PTPN14: variants seen among roughly 807,000 people sequenced by gnomAD.
PTPN14 encodes the protein tyrosine-protein phosphatase non-receptor type 14.
Under a neutral mutation model 126.8 loss-of-function variants are expected in PTPN14, and 53 were observed. That is an observed-to-expected ratio of 0.42 (90% CI 0.34 to 0.53). The LOEUF (loss-of-function observed/expected upper bound fraction) is 0.53, where lower values mean the gene tolerates loss of function less well. Among genes scored for constraint, PTPN14 ranks in the 20% least tolerant of loss-of-function variants. The probability of loss-of-function intolerance (pLI) is 0.08; values close to 1 mark genes in which losing one functional copy is unlikely to be tolerated. For synonymous variants in PTPN14, 630 were observed against 599.3 expected (o/e 1.05, Z -0.75); for missense variants, 1,257 against 1,552.9 (o/e 0.81, Z 3.20).
rs146640564 is a variant in PTPN14 at position 214,350,533 on chromosome 1, CTTTTTTTTTTTT to C, written c.*7377_*7388del. ...TTCTGGTTATTTTCATCCGCCAGAT[CTTTTTTTTTTTT>C]TTTTTTTTTTTTTGAGACAAAGTCT... On this transcript the variant is annotated 3_prime_UTR_variant, in exon 19 of 19. Transcript: ENST00000366956. 70 of 57,018 alleles carry C rather than the reference CTTTTTTTTTTTT, an allele frequency of 1.2e-3. No individual in the cohort carries two copies. The highest frequency in any genetic ancestry group is 0.018 in the Middle Eastern group (1 of 56). The allele number at this position is 57,018 out of a possible 1,614,324, so 3.5% of individuals were successfully genotyped here. A position where few individuals can be genotyped will look rare whatever the true frequency, so the allele number is the denominator to read the frequency against.
intron 3 of PTPN14, among the ~76,000 whole-genome samples, chr1:214,436,412 T>C (rs1016716976): frequency 2.0e-5 from 3 of 149,780 alleles, no homozygotes. Flanking sequence ...TAAAAAAAAA[T>C]ACAGTTTTCT....
At chr1:214,496,110 A>C (rs980495610) in intron 1 of PTPN14, among the ~76,000 whole-genome samples, 2 of 152,252 alleles carry the variant, frequency 1.3e-5, no homozygotes, top group African/African-American at 4.8e-5. Flanking sequence ...TAATTTGCTC[A>C]GTAATTTTCC....
At chr1:214,459,386 C>T (rs2102644942) in intron 2 of PTPN14, among the ~76,000 whole-genome samples, 2 of 151,952 alleles carry the variant, frequency 1.3e-5, no homozygotes, top group South Asian at 4.2e-4. Flanking sequence ...CTCCTGACTT[C>T]AGGCGATCTG....
intron 1 of PTPN14, among the ~76,000 whole-genome samples, chr1:214,527,512 T>C (rs1655429928): frequency 6.6e-6 from 1 of 152,208 alleles, no homozygotes; most frequent in Admixed American, 6.5e-5. Flanking sequence ...GCTTGAAGCA[T>C]GCATCAGTAA....
At chr1:214,447,227 T>G (rs1190245185) in intron 3 of PTPN14, among the ~76,000 whole-genome samples, 1 of 152,082 alleles carries the variant, frequency 6.6e-6, no homozygotes, top group Non-Finnish European at 1.5e-5. Flanking sequence ...CTGCTTCCCC[T>G]TGGCTGAGCT....
In PTPN14 at chr1:214,399,403, T is replaced by C. The variant is rs952985325; in HGVS notation, c.670-1402A>G. Among the ~76,000 whole-genome samples, 20 of 152,240 alleles carry C rather than the reference T, an allele frequency of 1.3e-4. No individual in the cohort carries two copies. The East Asian group carries it at 1.5e-3, about 12-fold the overall frequency. On this transcript the variant is annotated intron_variant, in intron 7 of 18. Transcript: ENST00000366956. ...CAATCTCTGGATTTTCTCAGATTCATTGGCATTTGGATTTTCTCTTTCATG... is the reference window on the plus strand; with the variant it reads ...CAATCTCTGGATTTTCTCAGATTCACTGGCATTTGGATTTTCTCTTTCATG...
intron 1 of PTPN14, among the ~76,000 whole-genome samples, chr1:214,543,633 AAC>A (rs1464863859): frequency 6.6e-6 from 1 of 151,920 alleles, no homozygotes; most frequent in Non-Finnish European, 1.5e-5. Flanking sequence ...CTGATTCTAT[AAC>A]ACGTTTTTTT....
chr1:214,405,831 G>A (rs2102571742), intron 5 of PTPN14, among the ~76,000 whole-genome samples: 1 of 152,196 alleles, frequency 6.6e-6, no homozygotes, highest in South Asian at 2.1e-4. Context: ...AACGAAATTA[G>A]GCTTGTTATT....
At chr1:214,405,392 T>C (rs1659141534) in intron 5 of PTPN14, among the ~76,000 whole-genome samples, 1 of 152,192 alleles carries the variant, frequency 6.6e-6, no homozygotes, top group African/African-American at 2.4e-5. Context: ...GCAGCAATTC[T>C]TCTTCATATC....
Position 214,355,723 on chromosome 1 carries a change from C to T in PTPN14, c.*2199G>A, listed in dbSNP as rs1472584739. 1 of 152,102 alleles carries T rather than the reference C, an allele frequency of 6.6e-6. No individual in the cohort carries two copies. The highest frequency in any genetic ancestry group is 6.5e-5 in the Admixed American group (1 of 15,270). 9.4% of individuals were successfully genotyped at this position (152,102 alleles called of 1,614,324 possible). On this transcript the variant is annotated 3_prime_UTR_variant, in exon 19 of 19. Transcript: ENST00000366956. ...CTGGCCAGGTTGAAACAGAGGATTCCTATTCCGAAGAACTTAATGGGGAAT... is the reference window on the plus strand; with the variant it reads ...CTGGCCAGGTTGAAACAGAGGATTCTTATTCCGAAGAACTTAATGGGGAAT...
Position 214,396,906 on chromosome 1 carries a change from C to G in PTPN14, c.758+1007G>C, listed in dbSNP as rs1029548316. ...AACTCTGCACATATTTACATATTTT[C>G]CTCAATTAATTTATACTTTGTGGCA... On this transcript the variant is annotated intron_variant, in intron 8 of 18. Coordinates refer to ENST00000366956, the MANE Select transcript of PTPN14 (RefSeq NM_005401.5). Among the ~76,000 whole-genome samples the G allele has an allele frequency of 2.6e-5, 4 of 152,152 alleles. No homozygotes were observed. The South Asian group carries it at 6.2e-4, about 24-fold the overall frequency.
chr1:214,463,280 A>C (rs919581771), intron 2 of PTPN14, among the ~76,000 whole-genome samples: 1 of 151,570 alleles, frequency 6.6e-6, no homozygotes, highest in African/African-American at 2.4e-5. Context: ...ATACATGCAA[A>C]TGTGTGTTTA....
intron 1 of PTPN14, among the ~76,000 whole-genome samples, chr1:214,503,430 C>A (rs1654757657): frequency 1.3e-5 from 2 of 152,174 alleles, no homozygotes; most frequent in Admixed American, 1.3e-4. Context: ...GCAGCTGCCT[C>A]GCTTCCATTT....
At chr1:214,482,171 G>A (rs1303360166) in intron 1 of PTPN14, among the ~76,000 whole-genome samples, 1 of 151,554 alleles carries the variant, frequency 6.6e-6, no homozygotes, top group Non-Finnish European at 1.5e-5. Context: ...AATTATTCAA[G>A]GTGACCATCC....
At chr1:214,451,158 GTTGTTT>G (rs66767129) in intron 3 of PTPN14, among the ~76,000 whole-genome samples, 62,849 of 150,942 alleles carry the variant, frequency 0.42, 13,142 homozygotes, top group East Asian at 0.52. Flanking sequence ...TTTTGTTTTT[GTTGTTT>G]TTGTTTTTGT....
At chr1:214,490,848 A>G (rs61266114) in intron 1 of PTPN14, among the ~76,000 whole-genome samples, 6,244 of 32,234 alleles carry the variant, frequency 0.19, 1,029 homozygotes, top group African/African-American at 0.37. Context: ...AGGAAAGGAA[A>G]GGAAGGGAAG....
chr1:214,434,152 C>T (rs1463678432), intron 3 of PTPN14, among the ~76,000 whole-genome samples: 1 of 151,802 alleles, frequency 6.6e-6, no homozygotes, highest in African/African-American at 2.4e-5. Flanking sequence ...CAAAAAAGTA[C>T]TTCTAAAGGC....
At chr1:214,399,688 C>A (rs546716672) in intron 7 of PTPN14, among the ~76,000 whole-genome samples, 1 of 152,118 alleles carries the variant, frequency 6.6e-6, no homozygotes, top group African/African-American at 2.4e-5. Context: ...GATATTTTCT[C>A]GAATAATTAC....
chr1:214,430,274 G>A (rs1206763617), intron 3 of PTPN14, among the ~76,000 whole-genome samples: 1 of 152,140 alleles, frequency 6.6e-6, no homozygotes, highest in East Asian at 1.9e-4. Context: ...AGAGATAACA[G>A]GCTTATAGCC....
Sources: allele counts gnomAD v4.1 joint callset (sites outside exome capture counted in the v4.1 genomes callset), GRCh38; gene constraint gnomAD v4.1.1; transcripts MANE v1.5; gene names NCBI Gene and HGNC (gene_info 2026-07-23, HGNC 2026-07-21).